Variants in RPL7 observed in about 807,000 individuals in gnomAD.
RPL7 encodes large ribosomal subunit protein uL30.
For synonymous variants in RPL7, 100 were observed against 102.2 expected (o/e 0.98, Z 0.13); for missense variants, 205 against 301.9 (o/e 0.68, Z 2.38).
In RPL7 at chr8:73,291,599, T is replaced by C. The variant is rs774669141; in HGVS notation, c.491A>G (p.Lys164Arg). 1 of 1,599,660 alleles carries C rather than the reference T, an allele frequency of 6.3e-7. No individual in the cohort carries two copies. The highest frequency in any genetic ancestry group is 8.6e-7 in the Non-Finnish European group (1 of 1,168,430). Residue 164 changes from lysine to arginine, a missense_variant, in exon 5 of 7, where the codon AAG becomes AGG. By Grantham distance (26) the Lys-to-Arg change is conservative. Transcript: ENST00000352983. ...GTTATCTGTCAAAGCAATTCGCTTC[T>C]TATTGATTTTGCCATAACCACGCTT... ...IYKRGYGKIN[K>R]KRIALTDNAL...
chr8:73,292,549 C>T, intron 2 of RPL7, 140 bp downstream of exon 2: 2 of 1,012,692 alleles, frequency 2.0e-6, no homozygotes, highest in South Asian at 1.6e-5. Flanking sequence ...AAAAACCCCA[C>T]TACCTTCAGA....
chr8:73,291,638 T>C lies in RPL7; in HGVS notation c.452A>G (p.Asn151Ser). ...ATAACCACGCTTGTAGATTAGTTCA[T>C]TTACTGACTTCAGATTGGGGTACCT... ...AWGYPNLKSV[N>S]ELIYKRGYGK... Residue 151 changes from asparagine (N) to serine (S), a missense_variant, in exon 5 of 7, where the codon AAT (asparagine) becomes AGT (serine). Coordinates refer to ENST00000352983, the MANE Select transcript of RPL7 (RefSeq NM_000971.4). The C allele has an allele frequency of 5.0e-6, 8 of 1,595,404 alleles. No individual in the cohort carries two copies. The highest frequency in any genetic ancestry group is 6.9e-6 in the Non-Finnish European group (8 of 1,164,400).
Position 73,291,220 on chromosome 8 carries a change from T to C in RPL7, c.571A>G (p.Ile191Val). 6.2e-7 allele frequency: 1 copy of C among 1,610,514 alleles called. No homozygotes were observed. Among genetic ancestry groups the C allele is most frequent in the Non-Finnish European group, 8.5e-7 (1 of 1,177,456 alleles). The change falls in exon 6 of 7, where the codon ATT becomes GTT. Residue 191 changes from isoleucine (I) to valine (V), a missense_variant. Physicochemically the swap from Ile to Val is conservative, Grantham distance 29. Transcript: ENST00000352983. ...KYGIICMEDL[I>V]HEIYTVGKRF... is the part of the protein sequence containing the mutation. ...TTTCCAACAGTATAGATCTCATGAA[T>C]CAAATCCTCCATGCAGATGATGCCG...
chr8:73,293,444 T>C (rs944165059), intron 1 of RPL7, 155 bp downstream of exon 1: 64 of 903,458 alleles, frequency 7.1e-5, no homozygotes, highest in Non-Finnish European at 1.0e-4. Flanking sequence ...ATCCCAACCC[T>C]AGCCTCAGGT....
intron 4 of RPL7, 51 bp downstream of exon 4, chr8:73,291,722 T>C (rs1255271866): frequency 2.5e-6 from 4 of 1,591,406 alleles, no homozygotes; most frequent in Non-Finnish European, 3.4e-6. Flanking sequence ...AAATTCATGT[T>C]GCTACATAAC....
At chr8:73,292,014 A>T in intron 3 of RPL7, 104 bp from the exon 4 acceptor site, 5 of 1,396,428 alleles carry the variant, frequency 3.6e-6, no homozygotes, top group African/African-American at 1.4e-5. Context: ...ACAGATAGGA[A>T]TCCTCTCATG....
chr8:73,292,959 G>C (rs1401686480), intron 1 of RPL7, 162 bp from the exon 2 acceptor site: 2 of 501,932 alleles, frequency 4.0e-6, no homozygotes, highest in African/African-American at 3.9e-5. Context: ...GCATATTTTA[G>C]CTCCATGTCA....
At chr8:73,292,588 T>A in intron 2 of RPL7, 101 bp downstream of exon 2, 3 of 1,057,542 alleles carry the variant, frequency 2.8e-6, no homozygotes, top group Non-Finnish European at 4.2e-6. Context: ...AAGCAATTAC[T>A]CAGTACAGTT....
At position 73,293,591 on chromosome 8, in the gene RPL7, C is replaced by G. The variant is rs191975568; in HGVS notation, c.14+8G>C. The stretch of plus-strand genomic sequence containing the variant: ...GAAGGATTCTCAAGAGGACCAGAAG[C>G]AACTCACTCTACACCCTCCATGGTT... On this transcript the variant is annotated splice_region_variant and intron_variant, in intron 1 of 6. Coordinates refer to ENST00000352983, the MANE Select transcript of RPL7 (RefSeq NM_000971.4). The G allele has an allele frequency of 5.6e-6, 9 of 1,613,730 alleles. No individual in the cohort carries two copies. The highest frequency in any genetic ancestry group is 6.8e-6 in the Non-Finnish European group (8 of 1,179,918).
upstream of RPL7, chr8:73,293,663 A>AG (rs139486204): frequency 1.4e-3 from 2,220 of 1,609,310 alleles, 4 homozygotes; most frequent in Non-Finnish European, 1.7e-3. Context: ...GTCCACTTAA[A>AG]GACTTCGCGA....
rs1211814925 is a variant in RPL7 at position 73,292,872 on chromosome 8, T to C, written c.15-75A>G. ...GCTGTATTACTCCCGTACTGAGCAG[T>C]GTTGTTTACCAGAAATGCTGTCACT... On this transcript the variant is annotated intron_variant, in intron 1 of 6. Coordinates refer to ENST00000352983, the MANE Select transcript of RPL7 (RefSeq NM_000971.4). 3.7e-6 allele frequency: 4 copies of C among 1,083,804 alleles called. No individual in the cohort carries two copies. In the East Asian group the frequency reaches 9.6e-5, roughly 26 times the overall value. The allele number at this position is 1,083,804 out of a possible 1,614,324, so 67.1% of individuals were successfully genotyped here.
rs1814087935 is a variant in RPL7, at chr8:73,291,266, G to A, written c.539-14C>T. 7 of 1,584,964 alleles carry A rather than the reference G, an allele frequency of 4.4e-6. No individual in the cohort carries two copies. Among genetic ancestry groups the A allele is most frequent in the African/African-American group, 2.7e-5 (2 of 73,612 alleles). ...TGCCGTATTTACCTAAATATTTTAA[G>A]GTTATTTAAGATTATTAAAGTTGCA... On this transcript the variant is annotated splice_polypyrimidine_tract_variant and intron_variant, in intron 5 of 6. Transcript: ENST00000352983.
chr8:73,293,718 G>C (rs932006209), upstream of RPL7: 2 of 1,462,832 alleles, frequency 1.4e-6, no homozygotes, highest in African/African-American at 2.8e-5. Context: ...AGCCGGAAAA[G>C]AATCCAGAAC....
chr8:73,293,765 T>C, upstream of RPL7: 1 of 827,112 alleles, frequency 1.2e-6, no homozygotes, highest in South Asian at 1.6e-5. Context: ...AACTCCCTGA[T>C]TTAGCCTCTT....
At chr8:73,291,411 A>G in intron 5 of RPL7, 141 bp downstream of exon 5, 1 of 848,502 alleles carries the variant, frequency 1.2e-6, no homozygotes, top group East Asian at 2.7e-5. Context: ...TAATGAAACC[A>G]TGTCTTACGT....
At chr8:73,293,533 G>C in intron 1 of RPL7, 66 bp downstream of exon 1, 5 of 1,597,218 alleles carry the variant, frequency 3.1e-6, no homozygotes, top group Non-Finnish European at 4.3e-6. Flanking sequence ...GAGAGAAAAA[G>C]TGACACAAAA....
rs1814116506 is a variant in RPL7 at position 73,292,252 on chromosome 8, T to C, written c.277A>G (p.Ile93Val). 3.7e-6 allele frequency: 6 copies of C among 1,612,974 alleles called. No homozygotes were observed. Among genetic ancestry groups the C allele is most frequent in the Non-Finnish European group, 5.1e-6 (6 of 1,179,756 alleles). The change falls in exon 3 of 7, where the codon ATC becomes GTC. Residue 93 changes from isoleucine to valine, a missense_variant. Coordinates refer to ENST00000352983, the MANE Select transcript of RPL7 (RefSeq NM_000971.4). ...VPAEPKLAFVIRIRGINGVSP... is the reference protein window; with the variant it reads ...VPAEPKLAFVVRIRGINGVSP... Reference sequence around the variant, plus strand: ...AACTGAACTTACCCTCTGATTCTGATGACAAACGCCAATTTGGGTTCTGCA... The same window carrying C: ...AACTGAACTTACCCTCTGATTCTGACGACAAACGCCAATTTGGGTTCTGCA...
At position 73,291,930 on chromosome 8, in the gene RPL7, G is replaced by A; in HGVS notation, c.291-20C>T. 1.2e-6 allele frequency: 2 copies of A among 1,603,620 alleles called. No individual in the cohort carries two copies. The highest frequency in any genetic ancestry group is 1.7e-6 in the Non-Finnish European group (2 of 1,171,146). ...TTGATACTGTGGTGAAAACGGACCA[G>A]AAATGCATTTGCCTTTCATCGAAAT... On this transcript the variant is annotated intron_variant, in intron 3 of 6. Transcript: ENST00000352983.
upstream of RPL7, chr8:73,293,761 CTGA>C (rs2130346134): frequency 1.2e-6 from 1 of 842,636 alleles, no homozygotes; most frequent in South Asian, 1.6e-5. Flanking sequence ...AAAGAACTCC[CTGA>C]TTTAGCCTCT....
Sources: gnomAD v4.1 joint callset for allele counts on GRCh38, gnomAD v4.1.1 for gene constraint, MANE v1.5 for transcripts, NCBI Gene and HGNC (gene_info 2026-07-23, HGNC 2026-07-21) for gene names.